COMMD1: variants seen among roughly 807,000 people sequenced by gnomAD.
COMMD1 encodes the protein COMM domain-containing protein 1.
A neutral mutation model predicts 17.2 loss-of-function variants in COMMD1; 10 were observed. The ratio of observed to expected loss-of-function variants is 0.58; its 90% confidence interval spans 0.36 to 0.99. COMMD1 has a LOEUF of 0.99. Ranked by LOEUF, COMMD1 falls within the 50% of genes least tolerant of loss-of-function variation. The pLI, the probability that COMMD1 is intolerant of heterozygous loss-of-function variation, is 0.01. For synonymous variants in COMMD1, 97 were observed against 91.6 expected (o/e 1.06, Z -0.34); for missense variants, 270 against 231.8 (o/e 1.17, Z -1.07).
At chr2:61,982,499 G>C (rs934686956) in intron 1 of COMMD1, among the ~76,000 whole-genome samples, 14 of 152,120 alleles carry the variant, frequency 9.2e-5, no homozygotes, top group African/African-American at 3.4e-4. Flanking sequence ...GATTGCTTTA[G>C]CTAAGACTTT....
At chr2:61,895,053 A>AC (rs1669525605) in intron 1 of COMMD1, among the ~76,000 whole-genome samples, 1 of 152,198 alleles carries the variant, frequency 6.6e-6, no homozygotes, top group Non-Finnish European at 1.5e-5. Context: ...TAGAATGTGA[A>AC]AAACTCTTTA....
intron 2 of COMMD1, among the ~76,000 whole-genome samples, chr2:62,105,601 A>T (rs952111543): frequency 1.3e-5 from 2 of 152,218 alleles, no homozygotes; most frequent in Non-Finnish European, 2.9e-5. Context: ...AGGCGAGTGG[A>T]TCACCTGAGG....
chr2:62,011,830 A>G (rs1426758038), intron 2 of COMMD1, among the ~76,000 whole-genome samples: 3 of 152,238 alleles, frequency 2.0e-5, no homozygotes, highest in Non-Finnish European at 4.4e-5. Flanking sequence ...ACATTTACAT[A>G]TGATTTTTCC....
At chr2:62,067,011 CCACCG>C (rs1671070862) in intron 2 of COMMD1, among the ~76,000 whole-genome samples, 2 of 152,090 alleles carry the variant, frequency 1.3e-5, no homozygotes, top group Non-Finnish European at 2.9e-5. Flanking sequence ...CAGGCTTGAG[CCACCG>C]TGCCCAGCCC....
chr2:62,113,566 T>G lies in COMMD1; in HGVS notation c.463-22265T>G, dbSNP rs555173736. Reference sequence around the variant, plus strand: ...ACCCAGCTAATTTTTGTATTTTTAGTAGAGACGGGGTTTCACCATGTTGGC... The same window carrying G: ...ACCCAGCTAATTTTTGTATTTTTAGGAGAGACGGGGTTTCACCATGTTGGC... On this transcript the variant is annotated intron_variant, in intron 2 of 2. Transcript: ENST00000311832. 3.3e-5 allele frequency among the ~76,000 whole-genome samples: 5 copies of G among 152,256 alleles called. No individual in the cohort carries two copies. In the East Asian group the frequency reaches 7.8e-4, roughly 24 times the overall value.
chr2:61,938,158 T>G (rs2103627229), intron 1 of COMMD1, among the ~76,000 whole-genome samples: 1 of 152,132 alleles, frequency 6.6e-6, no homozygotes, highest in South Asian at 2.1e-4. Flanking sequence ...CTAAAAATGA[T>G]AATTTGGCAG....
chr2:62,061,855 T>A (rs998990228), intron 2 of COMMD1, among the ~76,000 whole-genome samples: 92 of 152,194 alleles, frequency 6.0e-4, no homozygotes, highest in Middle Eastern at 3.4e-3. Flanking sequence ...TACAGTAACC[T>A]TGTATCAACT....
chr2:62,063,621 C>T (rs77260479), intron 2 of COMMD1, among the ~76,000 whole-genome samples: 6,841 of 151,910 alleles, frequency 0.045, 519 homozygotes, highest in African/African-American at 0.16. Flanking sequence ...AATTACTTTT[C>T]GGTAAAAAAT....
intron 1 of COMMD1, among the ~76,000 whole-genome samples, chr2:61,978,377 AT>A (rs34385390): frequency 0.14 from 21,654 of 152,108 alleles, 1,667 homozygotes; most frequent in East Asian, 0.22. Context: ...CAAATGTGAA[AT>A]TTTAGGGGAC....
intron 2 of COMMD1, among the ~76,000 whole-genome samples, chr2:62,116,058 G>C (rs1489576082): frequency 6.6e-6 from 1 of 151,932 alleles, no homozygotes; most frequent in Non-Finnish European, 1.5e-5. Flanking sequence ...TGTTGCCCAG[G>C]CTGGTTTTGA....
chr2:62,061,789 T>A (rs1670868066), intron 2 of COMMD1, among the ~76,000 whole-genome samples: 1 of 152,004 alleles, frequency 6.6e-6, no homozygotes. Flanking sequence ...CTCGATCTCC[T>A]GACCTCGTGA....
intron 1 of COMMD1, among the ~76,000 whole-genome samples, chr2:61,890,610 G>A (rs1280190143): frequency 6.6e-6 from 1 of 152,078 alleles, no homozygotes; most frequent in African/African-American, 2.4e-5. Flanking sequence ...GGAGGCCGAG[G>A]TGGGTGGATC....
At chr2:62,118,284 G>C (rs1672656367) in intron 2 of COMMD1, 1 of 152,192 alleles carries the variant, frequency 6.6e-6, no homozygotes, top group Non-Finnish European at 1.5e-5. Context: ...GATCAGATGA[G>C]ATCATGCATG....
chr2:62,015,446 C>G (rs1434069694), intron 2 of COMMD1, among the ~76,000 whole-genome samples: 3 of 152,150 alleles, frequency 2.0e-5, no homozygotes, highest in African/African-American at 4.8e-5. Flanking sequence ...TGAGTTGTTT[C>G]CACCTTTTGG....
At chr2:62,004,719 T>A (rs1669064514) in intron 2 of COMMD1, among the ~76,000 whole-genome samples, 1 of 152,104 alleles carries the variant, frequency 6.6e-6, no homozygotes, top group Non-Finnish European at 1.5e-5. Context: ...ACAGGAAATG[T>A]TTTTGTGAGA....
chr2:61,996,313 AATGTGT>A (rs780956896), intron 1 of COMMD1, among the ~76,000 whole-genome samples: 1 of 87,134 alleles, frequency 1.1e-5, no homozygotes, highest in Non-Finnish European at 2.3e-5. Flanking sequence ...TTGTTTTCTA[AATGTGT>A]GTGTGTGTGT....
intron 1 of COMMD1, among the ~76,000 whole-genome samples, chr2:61,929,395 C>G (rs1311661711): frequency 6.6e-6 from 1 of 152,038 alleles, no homozygotes; most frequent in East Asian, 1.9e-4. Context: ...AGAGAGGTGC[C>G]CTTCTTATAC....
intron 2 of COMMD1, among the ~76,000 whole-genome samples, chr2:62,126,449 C>T (rs952887279): frequency 6.6e-6 from 1 of 152,076 alleles, no homozygotes; most frequent in African/African-American, 2.4e-5. Context: ...TTCTTGACTT[C>T]TTAATAATTG....
At chr2:62,102,024 C>G (rs958045311) in intron 2 of COMMD1, among the ~76,000 whole-genome samples, 1 of 152,184 alleles carries the variant, frequency 6.6e-6, no homozygotes, top group Non-Finnish European at 1.5e-5. Context: ...CCAGCCCCAT[C>G]TTGAAGCTAT....
Sources: gnomAD v4.1 joint callset for allele counts (sites outside exome capture counted in the v4.1 genomes callset) on GRCh38, gnomAD v4.1.1 for gene constraint, MANE v1.5 for transcripts, NCBI Gene and HGNC (gene_info 2026-07-23, HGNC 2026-07-21) for gene names.